Variants in EPB41L1 observed in about 807,000 individuals in gnomAD.
EPB41L1 encodes erythrocyte membrane protein band 4.1 like 1.
In EPB41L1, 29 loss-of-function variants were observed where a neutral mutation model predicts 97.8. That is an observed-to-expected ratio of 0.30 (90% CI 0.22 to 0.40). EPB41L1 has a LOEUF of 0.40. Among genes scored for constraint, EPB41L1 ranks in the 10% least tolerant of loss-of-function variants. The probability of loss-of-function intolerance (pLI) is 1.00; values close to 1 mark genes in which losing one functional copy is unlikely to be tolerated. For missense variants in EPB41L1, 812 were observed against 1,162.3 expected (o/e 0.70, Z 4.38); for synonymous variants, 383 against 459.2 (o/e 0.83, Z 2.12).
intron 2 of EPB41L1, among the ~76,000 whole-genome samples, chr20:36,141,978 G>A (rs934928498): frequency 2.9e-5 from 2 of 68,116 alleles, no homozygotes; most frequent in African/African-American, 3.5e-4. Context: ...CGTGGTGGCG[G>A]GGCACCTGTA....
chr20:36,177,301 T>C (rs1333084768), intron 3 of EPB41L1, among the ~76,000 whole-genome samples: 1 of 152,186 alleles, frequency 6.6e-6, no homozygotes, highest in Non-Finnish European at 1.5e-5. Context: ...GGCTTCGTCA[T>C]TCTGAATGGT....
intron 16 of EPB41L1, 125 bp from the exon 17 acceptor site, chr20:36,214,231 GC>G: frequency 5.7e-6 from 4 of 705,958 alleles, no homozygotes; most frequent in Admixed American, 4.1e-5. Flanking sequence ...TCTGTGTGCA[GC>G]CCCCTGCCAG....
Position 36,212,435 on chromosome 20 carries a change from C to G in EPB41L1, c.2184+59C>G. ...GGTATTGGGCATTTGGTGGTAGGGT[C>G]CCCACTGCTGTGGCCAAACCCCTTG... On this transcript the variant is annotated intron_variant, in intron 16 of 21. Transcript: ENST00000338074. The surrounding 1 kb of genome is among the most constrained non-coding windows in gnomAD (Gnocchi z 4.8). The G allele has an allele frequency of 1.4e-6, 2 of 1,475,572 alleles. No homozygotes were observed. Among genetic ancestry groups the G allele is most frequent in the East Asian group, 2.3e-5 (1 of 44,108 alleles). 91.4% of individuals were successfully genotyped at this position (1,475,572 alleles called of 1,614,324 possible).
intron 1 of EPB41L1, among the ~76,000 whole-genome samples, chr20:36,165,869 C>T (rs1464919323): frequency 1.3e-5 from 2 of 152,236 alleles, no homozygotes; most frequent in East Asian, 1.9e-4. Flanking sequence ...GAAATCAGTA[C>T]AGCATGAGCC....
At chr20:36,205,360 C>A (rs1014488146) in intron 14 of EPB41L1, among the ~76,000 whole-genome samples, 1 of 152,216 alleles carries the variant, frequency 6.6e-6, no homozygotes, top group African/African-American at 2.4e-5. Flanking sequence ...TGACCTTGGG[C>A]AAGTCACTGT....
chr20:36,148,156 T>G (rs2059910107), intron 2 of EPB41L1, among the ~76,000 whole-genome samples: 1 of 152,118 alleles, frequency 6.6e-6, no homozygotes, highest in South Asian at 2.1e-4. Flanking sequence ...AACTGGGCAC[T>G]GATGTGGGCC....
chr20:36,194,114 C>G, intron 11 of EPB41L1, 98 bp from the exon 12 acceptor site: 1 of 1,514,988 alleles, frequency 6.6e-7, no homozygotes, highest in South Asian at 1.2e-5. Context: ...GAAGAGTTGG[C>G]TCCACTCCAG....
chr20:36,185,936 A>G (rs2061666898), intron 7 of EPB41L1, among the ~76,000 whole-genome samples: 1 of 152,216 alleles, frequency 6.6e-6, no homozygotes, highest in Non-Finnish European at 1.5e-5. Flanking sequence ...CATGCAGGGG[A>G]AAGTACCTCG....
intron 2 of EPB41L1, among the ~76,000 whole-genome samples, chr20:36,136,593 T>C (rs1261552069): frequency 1.3e-5 from 2 of 151,782 alleles, no homozygotes; most frequent in Non-Finnish European, 2.9e-5. Context: ...TTCTTTCTTT[T>C]TTTTTTTTTA....
chr20:36,163,470 T>C (rs148446755), intron 1 of EPB41L1, among the ~76,000 whole-genome samples: 63 of 152,332 alleles, frequency 4.1e-4, no homozygotes, highest in Non-Finnish European at 7.4e-4. Context: ...TCCCTTGCCT[T>C]CCTTGACTTC....
chr20:36,208,378 C>T (rs759094695), intron 14 of EPB41L1: 1 of 447,680 alleles, frequency 2.2e-6, no homozygotes, highest in Non-Finnish European at 4.5e-6. Flanking sequence ...AGGGGGGGCG[C>T]CTGAGATTTG....
At chr20:36,100,788 C>T (rs1311658683) in intron 1 of EPB41L1, among the ~76,000 whole-genome samples, 1 of 152,164 alleles carries the variant, frequency 6.6e-6, no homozygotes, top group Non-Finnish European at 1.5e-5. Context: ...ATTCAGAGAA[C>T]AAATTCTTGA....
rs768577351 is a variant in EPB41L1 at position 36,206,533 on chromosome 20, A to C, written c.1669-2955A>C. The C allele has an allele frequency of 7.8e-7, 1 of 1,289,788 alleles. No homozygotes were observed. The highest frequency in any genetic ancestry group is 1.2e-5 in the South Asian group (1 of 81,028). The allele number at this position is 1,289,788 out of a possible 1,614,324, so 79.9% of individuals were successfully genotyped here. A position where few individuals can be genotyped will look rare whatever the true frequency, so the allele number is the denominator to read the frequency against. ...AGTCCTCCCTCCACCCCTGGAGGAG[A>C]GAAAAGGGCGCCTGGATGCCCCTCC... On this transcript the variant is annotated intron_variant, in intron 14 of 21. Coordinates refer to ENST00000338074, the MANE Select transcript of EPB41L1 (RefSeq NM_012156.2). This position sits in a 1 kb window ranked among gnomAD's most constrained non-coding sequence, Gnocchi z 5.5.
chr20:36,220,079 A>G (rs576603689), intron 19 of EPB41L1, among the ~76,000 whole-genome samples: 2 of 152,378 alleles, frequency 1.3e-5, no homozygotes, highest in South Asian at 4.1e-4. Context: ...TCTTTGAAGT[A>G]ACTGTGAACC....
intron 14 of EPB41L1, among the ~76,000 whole-genome samples, chr20:36,208,924 C>G (rs2062976698): frequency 6.6e-6 from 1 of 152,188 alleles, no homozygotes; most frequent in South Asian, 2.1e-4. Flanking sequence ...AGGCCTGACC[C>G]TGAATTGCTC....
chr20:36,206,326 C>T lies in EPB41L1; in HGVS notation c.1669-3162C>T. On this transcript the variant is annotated intron_variant, in intron 14 of 21. Coordinates refer to ENST00000338074, the MANE Select transcript of EPB41L1 (RefSeq NM_012156.2). This position sits in a 1 kb window ranked among gnomAD's most constrained non-coding sequence, Gnocchi z 5.5. ...TCACACTTGTGGGAGACCCACTGCT[C>T]CAGGGACCAGGCCAGCAGAGGTGGA... 1 of 1,289,908 alleles carries T rather than the reference C, an allele frequency of 7.8e-7. No homozygotes were observed. Among genetic ancestry groups the T allele is most frequent in the South Asian group, 1.2e-5 (1 of 81,028 alleles). The allele number at this position is 1,289,908 out of a possible 1,614,324, so 79.9% of individuals were successfully genotyped here. A position where few individuals can be genotyped will look rare whatever the true frequency, so the allele number is the denominator to read the frequency against.
intron 17 of EPB41L1, among the ~76,000 whole-genome samples, chr20:36,214,652 C>T (rs1407421228): frequency 6.6e-6 from 1 of 152,092 alleles, no homozygotes; most frequent in East Asian, 1.9e-4. Context: ...GTAATGTGGG[C>T]GATGGAATCC....
upstream of EPB41L1, among the ~76,000 whole-genome samples, chr20:36,153,576 C>G (rs1241513300): frequency 1.3e-5 from 2 of 152,162 alleles, no homozygotes; most frequent in Non-Finnish European, 2.9e-5. Context: ...GCAGTGGACC[C>G]ATGGACAGAA....
At chr20:36,168,485 A>G (rs2145790806) in intron 1 of EPB41L1, among the ~76,000 whole-genome samples, 1 of 151,150 alleles carries the variant, frequency 6.6e-6, no homozygotes, top group African/African-American at 2.4e-5. Flanking sequence ...GCTGGTAATT[A>G]TAGACCCTAC....
Sources: gnomAD v4.1 joint callset for allele counts (sites outside exome capture counted in the v4.1 genomes callset) on GRCh38, gnomAD v4.1.1 for gene constraint, Gnocchi (gnomAD v3.1) non-coding constraint, MANE v1.5 for transcripts, NCBI Gene and HGNC (gene_info 2026-07-23, HGNC 2026-07-21) for gene names.